Variants in CRMP1 observed in about 807,000 individuals in gnomAD.
CRMP1 encodes the protein collapsin response mediator protein 1.
Under a neutral mutation model 68.3 loss-of-function variants are expected in CRMP1, and 19 were observed. The ratio of observed to expected loss-of-function variants is 0.28; its 90% CI spans 0.19 to 0.41. The LOEUF (loss-of-function observed/expected upper bound fraction) is 0.41. Ranked by LOEUF, CRMP1 falls within the 10% of genes least tolerant of loss-of-function variation. The pLI is 1.00. For missense variants in CRMP1, 791 were observed against 967.4 expected (o/e 0.82, Z 2.42); for synonymous variants, 439 against 399.6 (o/e 1.10, Z -1.18).
At chr4:5,824,655 A>AACATCCTAGATGTTG (rs528885559) in intron 13 of CRMP1, 1 of 943,936 alleles carries the variant, frequency 1.1e-6, no homozygotes, top group Non-Finnish European at 1.2e-6. Flanking sequence ...TATTGAATAT[A>AACATCCTAGATGTTG]ACATCCTAGA....
rs34426438 is a variant in CRMP1, at chr4:5,842,598, TCACA to T, written c.1032+491_1032+494del. Reference sequence around the variant, plus strand: ...CATGCACCCACACTCACACACTCTCTCACACACACACACACACACTCACTCACAC... The same window carrying T: ...CATGCACCCACACTCACACACTCTCTCACACACACACACACTCACTCACAC... On this transcript the variant is annotated intron_variant, in intron 7 of 13. Coordinates refer to ENST00000324989, the MANE Select transcript of CRMP1 (RefSeq NM_001014809.3). This position sits in a 1 kb window ranked among gnomAD's most constrained non-coding sequence, Gnocchi z 4.5. Among the ~76,000 whole-genome samples the T allele has an allele frequency of 0.059, 8,016 of 136,410 alleles. 236 individuals are homozygous for T. Among genetic ancestry groups the T allele is most frequent in the African/African-American group, 0.07 (2,781 of 39,854 alleles). 89.5% of individuals were successfully genotyped at this position (136,410 alleles called of 152,430 possible).
intron 2 of CRMP1, among the ~76,000 whole-genome samples, chr4:5,862,340 G>A (rs1258538720): frequency 6.8e-6 from 1 of 147,686 alleles, no homozygotes; most frequent in Non-Finnish European, 1.5e-5. Context: ...CACCGCCGCT[G>A]CTTATAACCA....
rs1193528710 is a variant in CRMP1 at position 5,854,173 on chromosome 4, C to A, written c.820+1970G>T. On this transcript the variant is annotated intron_variant, in intron 4 of 13. Coordinates refer to ENST00000324989, the MANE Select transcript of CRMP1 (RefSeq NM_001014809.3). The surrounding 1 kb of genome is among the most constrained non-coding windows in gnomAD (Gnocchi z 4.0). ...AACATTAGGTAAGGAAAGTAAGATA[C>A]AAGACTGTCAATTTCCTTGGATTAT... Among the ~76,000 whole-genome samples the A allele has an allele frequency of 6.6e-6, 1 of 152,210 alleles. No homozygotes were observed. Among genetic ancestry groups the A allele is most frequent in the Non-Finnish European group, 1.5e-5 (1 of 68,038 alleles).
intron 1 of CRMP1, among the ~76,000 whole-genome samples, chr4:5,886,248 A>T (rs1235692705): frequency 6.6e-6 from 1 of 152,180 alleles, no homozygotes; most frequent in African/African-American, 2.4e-5. Flanking sequence ...GGCTGCTGGA[A>T]CCACCCATTT....
intron 4 of CRMP1, among the ~76,000 whole-genome samples, chr4:5,852,556 C>A (rs573033764): frequency 1.3e-5 from 2 of 152,198 alleles, no homozygotes; most frequent in African/African-American, 4.8e-5. Context: ...TACTGAGAGC[C>A]TGCTGTATGC....
chr4:5,830,198 T>A (rs1720264952), intron 11 of CRMP1, among the ~76,000 whole-genome samples: 1 of 152,206 alleles, frequency 6.6e-6, no homozygotes, highest in Admixed American at 6.5e-5. Context: ...GTCTTGGCAT[T>A]CTTCTTACTG....
At chr4:5,849,017 A>G (rs1003105173) in intron 6 of CRMP1, among the ~76,000 whole-genome samples, 2 of 152,216 alleles carry the variant, frequency 1.3e-5, no homozygotes, top group South Asian at 2.1e-4. Context: ...GATCCACACA[A>G]TAACACTGCC....
At position 5,877,093 on chromosome 4, in the gene CRMP1, G is replaced by C. The variant is rs1377188901; in HGVS notation, c.382-10337C>G. ...AGCTTTCCCTGACAGTCCACCTCCT[G>C]CCATGAAAACCACAGGACCCAAGGA... On this transcript the variant is annotated intron_variant, in intron 1 of 13. Coordinates refer to ENST00000324989, the MANE Select transcript of CRMP1 (RefSeq NM_001014809.3). This position sits in a 1 kb window ranked among gnomAD's most constrained non-coding sequence, Gnocchi z 4.3. 6.6e-6 allele frequency among the ~76,000 whole-genome samples: 1 copy of C among 152,138 alleles called. No homozygotes were observed. The highest frequency in any genetic ancestry group is 1.5e-5 in the Non-Finnish European group (1 of 68,040).
Position 5,891,191 on chromosome 4 carries a change from C to CACAG in CRMP1, c.381+1397_381+1398insCTGT, listed in dbSNP as rs763429813. ...ACACACACATACACACACACACACA[C>CACAG]ACACACACACACACACACACACCCT... On this transcript the variant is annotated intron_variant, in intron 1 of 13. Coordinates refer to ENST00000324989, the MANE Select transcript of CRMP1 (RefSeq NM_001014809.3). This position sits in a 1 kb window ranked among gnomAD's most constrained non-coding sequence, Gnocchi z 5.2. 0.02 allele frequency among the ~76,000 whole-genome samples: 2,957 copies of CACAG among 150,802 alleles called. 56 individuals carry two copies. Among genetic ancestry groups the CACAG allele is most frequent in the South Asian group, 0.046 (215 of 4,684 alleles).
Position 5,838,492 on chromosome 4 carries a change from GGGATGATGGTGGCCTGAGCCA to G in CRMP1, c.1310+1009_1310+1029del, listed in dbSNP as rs1720875519. ...AATAGAAAGTCTTGGTCGGAAGCCA[GGGATGATGGTGGCCTGAGCCA>G]GGATGGCCACAGCAGACAGGTGAGG... On this transcript the variant is annotated intron_variant, in intron 9 of 13. Coordinates refer to ENST00000324989, the MANE Select transcript of CRMP1 (RefSeq NM_001014809.3). The surrounding 1 kb of genome is among the most constrained non-coding windows in gnomAD (Gnocchi z 4.9). Among the ~76,000 whole-genome samples the G allele has an allele frequency of 6.6e-6, 1 of 152,170 alleles. No individual in the cohort carries two copies. The highest frequency in any genetic ancestry group is 2.4e-5 in the African/African-American group (1 of 41,428).
At chr4:5,833,632 T>C (rs1720530553) in intron 11 of CRMP1, among the ~76,000 whole-genome samples, 1 of 152,186 alleles carries the variant, frequency 6.6e-6, no homozygotes, top group African/African-American at 2.4e-5. Flanking sequence ...TTAAATGAGA[T>C]GATGCATGGA....
At chr4:5,862,666 C>A (rs1713666900) in intron 2 of CRMP1, among the ~76,000 whole-genome samples, 1 of 152,194 alleles carries the variant, frequency 6.6e-6, no homozygotes. Context: ...GGCAGAAGGG[C>A]CGCTGGCTGT....
chr4:5,833,950 G>A (rs1355224164), intron 11 of CRMP1, among the ~76,000 whole-genome samples: 1 of 152,212 alleles, frequency 6.6e-6, no homozygotes, highest in African/African-American at 2.4e-5. Flanking sequence ...GGAGGCTGAG[G>A]CAGGAGAATG....
At chr4:5,880,603 T>G (rs1415149659) in intron 1 of CRMP1, among the ~76,000 whole-genome samples, 1 of 152,228 alleles carries the variant, frequency 6.6e-6, no homozygotes, top group African/African-American at 2.4e-5. Context: ...AAGTACCTTT[T>G]GCAAAAGCTT....
rs1185354749 is a variant in CRMP1, at chr4:5,842,297, C to T, written c.1032+796G>A. Among the ~76,000 whole-genome samples, 2 of 151,732 alleles carry T rather than the reference C, an allele frequency of 1.3e-5. No individual in the cohort carries two copies. The highest frequency in any genetic ancestry group is 6.6e-5 in the Admixed American group (1 of 15,248). Reference sequence around the variant, plus strand: ...ATTAGCCAGGCGTGGTGGCACAGGCCTGTGCCTAGTGCTCCTAGCTACTTG... The same window carrying T: ...ATTAGCCAGGCGTGGTGGCACAGGCTTGTGCCTAGTGCTCCTAGCTACTTG... On this transcript the variant is annotated intron_variant, in intron 7 of 13. Transcript: ENST00000324989. The surrounding 1 kb of genome is among the most constrained non-coding windows in gnomAD (Gnocchi z 4.5).
chr4:5,885,699 C>T (rs1560523768), intron 1 of CRMP1, among the ~76,000 whole-genome samples: 2 of 152,276 alleles, frequency 1.3e-5, no homozygotes, highest in South Asian at 2.1e-4. Context: ...TCCGCCCCGC[C>T]GTATGATACC....
rs1577727424 is a variant in CRMP1 at position 5,825,995 on chromosome 4, A to C, written c.1804-336T>G. 1.1e-5 allele frequency: 4 copies of C among 353,826 alleles called. No homozygotes were observed. In the East Asian group the frequency reaches 2.9e-4, roughly 26 times the overall value. 21.9% of individuals were successfully genotyped at this position (353,826 alleles called of 1,614,324 possible). A position where few individuals can be genotyped will look rare whatever the true frequency, so the allele number is the denominator to read the frequency against. On this transcript the variant is annotated intron_variant, in intron 12 of 13. Coordinates refer to ENST00000324989, the MANE Select transcript of CRMP1 (RefSeq NM_001014809.3). This position sits in a 1 kb window ranked among gnomAD's most constrained non-coding sequence, Gnocchi z 4.4. ...ACAAAACAGGCCTACACAGTAGCAT[A>C]CACGCGTGAACACGCACACACACTT... is the stretch of plus-strand genomic sequence containing the variant.
rs947272586 is a variant in CRMP1, at chr4:5,859,166, C to T, written c.655+1860G>A. On this transcript the variant is annotated intron_variant, in intron 3 of 13. Coordinates refer to ENST00000324989, the MANE Select transcript of CRMP1 (RefSeq NM_001014809.3). This position sits in a 1 kb window ranked among gnomAD's most constrained non-coding sequence, Gnocchi z 5.2. Reference sequence around the variant, plus strand: ...CATTCCTGCTTTTGTTCACCTGGTACAGTGCCTGGTGCGGACAACTCTTAC... The same window carrying T: ...CATTCCTGCTTTTGTTCACCTGGTATAGTGCCTGGTGCGGACAACTCTTAC... 2.6e-5 allele frequency among the ~76,000 whole-genome samples: 4 copies of T among 152,202 alleles called. No homozygotes were observed. The highest frequency in any genetic ancestry group is 5.9e-5 in the Non-Finnish European group (4 of 68,038).
At chr4:5,862,153 C>T (rs1713612553) in intron 2 of CRMP1, among the ~76,000 whole-genome samples, 1 of 152,108 alleles carries the variant, frequency 6.6e-6, no homozygotes, top group African/African-American at 2.4e-5. Flanking sequence ...AGGTGGACAC[C>T]CAGAAAATGT....
Sources: gnomAD v4.1 joint callset for allele counts (sites outside exome capture counted in the v4.1 genomes callset) on GRCh38, gnomAD v4.1.1 for gene constraint, Gnocchi (gnomAD v3.1) non-coding constraint, MANE v1.5 for transcripts, NCBI Gene and HGNC (gene_info 2026-07-23, HGNC 2026-07-21) for gene names.